The following NLRP14 variants were observed in gnomAD, a reference collection of about 807,000 sequenced individuals.
NLRP14 encodes the protein NLR family pyrin domain containing 14, also known as NACHT, LRR and PYD domains-containing protein 14.
NLRP14 carries 105 observed loss-of-function variants against 94.7 expected under a neutral mutation model. That is an observed-to-expected ratio of 1.11 (90% CI 0.95 to 1.30). The LOEUF is 1.30. Among genes scored for constraint, NLRP14 ranks in the 50% most tolerant of loss-of-function variants. NLRP14 has a pLI of 0.00. For missense variants in NLRP14, 1,362 were observed against 1,254.1 expected, an observed-to-expected ratio of 1.09 and a Z score of -1.30; for synonymous variants, 508 against 459.9, an observed-to-expected ratio of 1.10 and a Z score of -1.34.
In NLRP14 at chr11:7,038,876, G is replaced by A. The variant is rs1257765218; in HGVS notation, c.289+1G>A. On this transcript the variant is annotated splice_donor_variant, in intron 2 of 11. Coordinates refer to ENST00000299481, the MANE Select transcript of NLRP14 (RefSeq NM_176822.4). LOFTEE classifies it high-confidence loss of function. ...GAGAGAGCGAAAGAAGAGATCAACT[G>A]TGAGTGATGCTAGGGGCAAATCGGG... 6.2e-7 allele frequency: 1 copy of A among 1,612,950 alleles called. No homozygotes were observed. Among genetic ancestry groups the A allele is most frequent in the African/African-American group, 1.3e-5 (1 of 74,910 alleles).
At chr11:7,040,032 C>A (rs1024991196) in intron 3 of NLRP14, among the ~76,000 whole-genome samples, 4 of 152,152 alleles carry the variant, frequency 2.6e-5, no homozygotes, top group Non-Finnish European at 5.9e-5. Context: ...GGCTGACGCA[C>A]AAAGGTATAT....
chr11:7,039,078 G>A (rs536004060), intron 2 of NLRP14, among the ~76,000 whole-genome samples: 1 of 152,242 alleles, frequency 6.6e-6, no homozygotes, highest in South Asian at 2.1e-4. Flanking sequence ...ACTCAGCCTA[G>A]CTCCTTAACT....
intron 6 of NLRP14, among the ~76,000 whole-genome samples, chr11:7,055,179 A>G (rs1174781171): frequency 6.6e-6 from 1 of 152,108 alleles, no homozygotes; most frequent in African/African-American, 2.4e-5. Flanking sequence ...CAAAATCTCA[A>G]ATTACAGAGC....
At chr11:7,090,347 A>T in the NLRP14 span, 1 of 1,537,180 alleles carries the variant, frequency 6.5e-7, no homozygotes, top group South Asian at 1.2e-5. Context: ...GAAACTAACA[A>T]AAAGAAGAAC....
chr11:7,069,546 G>A (rs1450636909), intron 10 of NLRP14, among the ~76,000 whole-genome samples: 1 of 152,186 alleles, frequency 6.6e-6, no homozygotes, highest in Non-Finnish European at 1.5e-5. Context: ...CTGACCTAAT[G>A]TATTCGAAAT....
the NLRP14 span, chr11:7,090,434 G>T: frequency 8.5e-7 from 1 of 1,177,774 alleles, no homozygotes; most frequent in Non-Finnish European, 1.2e-6. Flanking sequence ...TGTTAAGATC[G>T]TCTCCATTTT....
intron 10 of NLRP14, among the ~76,000 whole-genome samples, chr11:7,066,319 T>A (rs1025728392): frequency 6.6e-6 from 1 of 152,168 alleles, no homozygotes; most frequent in African/African-American, 2.4e-5. Flanking sequence ...ATTTACACTC[T>A]CACCAACAGT....
At chr11:7,040,584 C>A (rs746223119) in intron 3 of NLRP14, among the ~76,000 whole-genome samples, 2 of 152,152 alleles carry the variant, frequency 1.3e-5, no homozygotes, top group Non-Finnish European at 2.9e-5. Flanking sequence ...TTATTAACAC[C>A]ATTTCCCCAC....
At chr11:7,060,102 C>T in intron 9 of NLRP14, 38 bp downstream of exon 9, 1 of 1,548,742 alleles carries the variant, frequency 6.5e-7, no homozygotes, top group Non-Finnish European at 8.9e-7. Context: ...GTAGTTTCAA[C>T]AACAGAGTGT....
intron 1 of NLRP14, among the ~76,000 whole-genome samples, chr11:7,021,450 C>G (rs921527169): frequency 2.0e-5 from 3 of 152,036 alleles, no homozygotes; most frequent in African/African-American, 7.2e-5. Context: ...AATTACTGGG[C>G]GTGGGCCTTC....
At chr11:7,090,085 G>T in the NLRP14 span, 2 of 1,611,568 alleles carry the variant, frequency 1.2e-6, no homozygotes, top group South Asian at 2.2e-5. Flanking sequence ...TACAGCGGCG[G>T]CCGCGACAGT....
intron 3 of NLRP14, among the ~76,000 whole-genome samples, chr11:7,041,273 AT>A (rs527641814): frequency 6.6e-6 from 1 of 152,104 alleles, no homozygotes; most frequent in African/African-American, 2.4e-5. Context: ...AAAATGAGCT[AT>A]TTTTTTAAAA....
At chr11:7,069,010 T>C (rs1488518814) in intron 10 of NLRP14, among the ~76,000 whole-genome samples, 2 of 152,212 alleles carry the variant, frequency 1.3e-5, no homozygotes, top group Non-Finnish European at 2.9e-5. Context: ...ATCTAAATTT[T>C]AGTGATTTTT....
the NLRP14 span, among the ~76,000 whole-genome samples, chr11:7,085,207 T>C: frequency 7.2e-5 from 11 of 152,248 alleles, no homozygotes; most frequent in Non-Finnish European, 4.4e-5. Flanking sequence ...GTTCACCATC[T>C]TAACCTGTCT....
In NLRP14 at chr11:7,060,048, A is replaced by C; in HGVS notation, c.2788A>C (p.Asn930His). 1.2e-6 allele frequency: 2 copies of C among 1,612,582 alleles called. No homozygotes were observed. Among genetic ancestry groups the C allele is most frequent in the Non-Finnish European group, 1.7e-6 (2 of 1,178,816 alleles). Reference sequence around the variant, plus strand: ...TGATGTCTTTCGGCATCCAAGCTGTAATCTTCAGGACTTGGAGTAGGTTTT... The same window carrying C: ...TGATGTCTTTCGGCATCCAAGCTGTCATCTTCAGGACTTGGAGTAGGTTTT... ...LCDVFRHPSC[N>H]LQDLELMGCV... Residue 930 changes from asparagine to histidine, a missense_variant, in exon 9 of 12, where the codon AAT becomes CAT. Asn to His is a moderately conservative substitution (Grantham distance 68). Coordinates refer to ENST00000299481, the MANE Select transcript of NLRP14 (RefSeq NM_176822.4).
At chr11:7,038,986 A>G (rs760168184) in intron 2 of NLRP14, 111 bp downstream of exon 2, 2 of 1,001,770 alleles carry the variant, frequency 2.0e-6, no homozygotes, top group African/African-American at 1.8e-5. Flanking sequence ...GTTGGGGGAC[A>G]TAAGCTCCAT....
chr11:7,059,888 C>T lies in NLRP14; in HGVS notation c.2634-6C>T. ...TCCATCTTTCTTCACATTGTCCTTC[C>T]TGTAGGCTGAGGCGTTGCCATTTCA... On this transcript the variant is annotated splice_polypyrimidine_tract_variant and splice_region_variant and intron_variant, in intron 8 of 11. Coordinates refer to ENST00000299481, the MANE Select transcript of NLRP14 (RefSeq NM_176822.4). 2 of 1,610,388 alleles carry T rather than the reference C, an allele frequency of 1.2e-6. No individual in the cohort carries two copies. Among genetic ancestry groups the T allele is most frequent in the Non-Finnish European group, 1.7e-6 (2 of 1,177,170 alleles).
chr11:7,071,161 T>G lies in NLRP14; in HGVS notation c.3147-12T>G, dbSNP rs1349636853. 1.2e-6 allele frequency: 2 copies of G among 1,613,858 alleles called. No individual in the cohort carries two copies. The highest frequency in any genetic ancestry group is 1.7e-6 in the Non-Finnish European group (2 of 1,179,940). ...TGAATGCAGGAAAAGAGATGTTCCC[T>G]TGTTTTCTCAGGTTGTGCAAAGAGG... On this transcript the variant is annotated splice_polypyrimidine_tract_variant and intron_variant, in intron 11 of 11. Transcript: ENST00000299481.
chr11:7,058,215 T>A lies in NLRP14; in HGVS notation c.2463-65T>A, dbSNP rs191296873. 391 of 1,385,454 alleles carry A rather than the reference T, an allele frequency of 2.8e-4. 2 individuals carry two copies. Among genetic ancestry groups the A allele is most frequent in the Non-Finnish European group, 1.6e-4 (159 of 975,418 alleles). 85.8% of individuals were successfully genotyped at this position (1,385,454 alleles called of 1,614,324 possible). A position where few individuals can be genotyped will look rare whatever the true frequency, so the allele number is the denominator to read the frequency against. ...GTTATAAGTGCCACTGATTTCCCTG[T>A]GAAGGAGAAGAGAAGCATGGGCTTT... On this transcript the variant is annotated intron_variant, in intron 7 of 11. Transcript: ENST00000299481.
Sources: gnomAD v4.1 joint callset for allele counts (sites outside exome capture counted in the v4.1 genomes callset) on GRCh38, gnomAD v4.1.1 for gene constraint, MANE v1.5 for transcripts, NCBI Gene and HGNC (gene_info 2026-07-23, HGNC 2026-07-21) for gene names.